Variants in TREH observed in about 807,000 individuals in gnomAD.
TREH encodes the protein alpha,alpha-trehalose glucohydrolase.
A neutral mutation model predicts 80.5 loss-of-function variants in TREH; 69 were observed. That is an observed-to-expected ratio of 0.86 (90% CI 0.71 to 1.05). The LOEUF (loss-of-function observed/expected upper bound fraction) is 1.05, where lower values mean the gene tolerates loss of function less well. Among genes scored for constraint, TREH ranks in the 50% least tolerant of loss-of-function variants. The pLI is 0.00. For synonymous variants in TREH, 309 were observed against 293.5 expected, an observed-to-expected ratio of 1.05 and a Z score of -0.54; for missense variants, 716 against 718.8, an observed-to-expected ratio of 1.00 and a Z score of 0.04.
At chr11:118,678,320 C>G (rs1299745600) in intron 1 of TREH, among the ~76,000 whole-genome samples, 1 of 152,078 alleles carries the variant, frequency 6.6e-6, no homozygotes, top group Admixed American at 6.6e-5. Context: ...CCTAACTTCT[C>G]TCTACTTCAA....
Position 118,673,935 on chromosome 11 carries a change from G to A in TREH, c.89+5604C>T, listed in dbSNP as rs372708410. On this transcript the variant is annotated intron_variant, in intron 1 of 14. Coordinates refer to ENST00000264029, the MANE Select transcript of TREH (RefSeq NM_007180.3). ...GTTGGTCAATCGAGAGCTGTCAATA[G>A]GGCACTGTCCAATTGGCAATAGAAT... 2.4e-4 allele frequency among the ~76,000 whole-genome samples: 36 copies of A among 152,280 alleles called. No homozygotes were observed. The East Asian group carries it at 5.0e-3, about 21-fold the overall frequency.
rs1949462828 is a variant in TREH, at chr11:118,674,942, CA to C, written c.89+4596del. ...GACTGGAGGTTGTAATTCCACTGACCAGAATCTAAGCATGGCCCATCTTTTA... is the reference window on the plus strand; with the variant it reads ...GACTGGAGGTTGTAATTCCACTGACCGAATCTAAGCATGGCCCATCTTTTA... On this transcript the variant is annotated intron_variant, in intron 1 of 14. Transcript: ENST00000264029. This position sits in a 1 kb window ranked among gnomAD's most constrained non-coding sequence, Gnocchi z 4.4. Among the ~76,000 whole-genome samples the C allele has an allele frequency of 6.6e-6, 1 of 152,146 alleles. No homozygotes were observed. The highest frequency in any genetic ancestry group is 2.1e-4 in the South Asian group (1 of 4,826).
intron 1 of TREH, among the ~76,000 whole-genome samples, chr11:118,668,500 G>T (rs1949399875): frequency 8.2e-6 from 1 of 121,684 alleles, no homozygotes; most frequent in Non-Finnish European, 1.6e-5. Flanking sequence ...GCAGGCAGAG[G>T]TTGCAGAGCC....
At chr11:118,668,800 C>T (rs1490740260) in intron 1 of TREH, among the ~76,000 whole-genome samples, 3 of 151,706 alleles carry the variant, frequency 2.0e-5, no homozygotes, top group African/African-American at 7.3e-5. Context: ...ATTAGCCAGG[C>T]GTGGTGGTGC....
At chr11:118,669,458 T>A (rs1949411141) in intron 1 of TREH, among the ~76,000 whole-genome samples, 2 of 152,214 alleles carry the variant, frequency 1.3e-5, no homozygotes, top group Non-Finnish European at 2.9e-5. Flanking sequence ...GTCCATCGAC[T>A]GATGAATGGA....
rs543102970 is a variant in TREH at position 118,659,108 on chromosome 11, A to G, written c.1433-91T>C. The G allele has an allele frequency of 4.4e-5, 59 of 1,351,868 alleles. 1 individual carries two copies. In the South Asian group the frequency reaches 7.2e-4, roughly 17 times the overall value. The allele number at this position is 1,351,868 out of a possible 1,614,324, so 83.7% of individuals were successfully genotyped here. ...CCCTACTCTCCCCAAGGAGGGAAAG[A>G]GGCCTGGGCCCTAAGACTTCCTTCC... On this transcript the variant is annotated intron_variant, in intron 12 of 14. Coordinates refer to ENST00000264029, the MANE Select transcript of TREH (RefSeq NM_007180.3).
chr11:118,668,606 T>C (rs1307718618), intron 1 of TREH, among the ~76,000 whole-genome samples: 1 of 148,790 alleles, frequency 6.7e-6, no homozygotes, highest in Non-Finnish European at 1.5e-5. Flanking sequence ...CCATGTTCAT[T>C]ATTTATGGAT....
At position 118,661,001 on chromosome 11, in the gene TREH, A is replaced by G; in HGVS notation, c.858-86T>C. On this transcript the variant is annotated intron_variant, in intron 8 of 14. Transcript: ENST00000264029. The surrounding 1 kb of genome is among the most constrained non-coding windows in gnomAD (Gnocchi z 4.2). Reference sequence around the variant, plus strand: ...AGAAGAGGCTGAGCCATCTTGATCCAGCTGCCCTTGGGCCCCACAGCCCAG... The same window carrying G: ...AGAAGAGGCTGAGCCATCTTGATCCGGCTGCCCTTGGGCCCCACAGCCCAG... 1 of 1,546,352 alleles carries G rather than the reference A, an allele frequency of 6.5e-7. No homozygotes were observed. Among genetic ancestry groups the G allele is most frequent in the Non-Finnish European group, 8.8e-7 (1 of 1,140,512 alleles).
In TREH at chr11:118,661,273, A is replaced by C. The variant is rs1555144910; in HGVS notation, c.744T>G (p.Ile248Met). 6.2e-7 allele frequency: 1 copy of C among 1,613,874 alleles called. No homozygotes were observed. Among genetic ancestry groups the C allele is most frequent in the South Asian group, 1.1e-5 (1 of 91,070 alleles). ...AGTCCAATTCCAAGGCTAGTGTTTC[A>C]ATGTTTTCCCTGGAGTGAAGCAGAC... ...TNDTAFLQENIETLALELDFW... is the reference protein window; with the variant it reads ...TNDTAFLQENMETLALELDFW... The change falls in exon 8 of 15, where the codon ATT (isoleucine) becomes ATG (methionine). Residue 248 changes from isoleucine (I) to methionine (M), a missense_variant. Physicochemically the swap from Ile to Met is conservative, Grantham distance 10. Transcript: ENST00000264029. The surrounding 1 kb of genome is among the most constrained non-coding windows in gnomAD (Gnocchi z 4.2).
intron 1 of TREH, among the ~76,000 whole-genome samples, chr11:118,672,566 C>G (rs1423751637): frequency 6.6e-6 from 1 of 151,598 alleles, no homozygotes; most frequent in Non-Finnish European, 1.5e-5. Context: ...GAAAAATTAG[C>G]TGGGCGTGGT....
At chr11:118,666,760 G>T (rs782006010) in intron 1 of TREH, among the ~76,000 whole-genome samples, 1 of 152,192 alleles carries the variant, frequency 6.6e-6, no homozygotes. Flanking sequence ...TAAAATGAGC[G>T]AAATACAGCA....
rs782544797 is a variant in TREH at position 118,659,734 on chromosome 11, G to C, written c.1320+13C>G. On this transcript the variant is annotated intron_variant, in intron 11 of 14. Transcript: ENST00000264029. ...TGCCTGCAGTGGACCCGAGCCACCT[G>C]CTGTGCCCTCACCTCCAGGTATTTC... The C allele has an allele frequency of 6.4e-7, 1 of 1,562,628 alleles. No homozygotes were observed. Among genetic ancestry groups the C allele is most frequent in the Non-Finnish European group, 8.7e-7 (1 of 1,152,928 alleles).
intron 4 of TREH, among the ~76,000 whole-genome samples, chr11:118,662,226 AG>A (rs2137265614): frequency 7.0e-6 from 1 of 143,436 alleles, no homozygotes; most frequent in South Asian, 2.5e-4. Context: ...GCCGGGTAGA[AG>A]ACCCGACCAC....
chr11:118,660,132 A>G (rs45529131), intron 10 of TREH, among the ~76,000 whole-genome samples, 168 bp from the exon 11 acceptor site: 2,879 of 152,240 alleles, frequency 0.019, 52 homozygotes, highest in Middle Eastern at 0.082. Context: ...TTTCTGGCCT[A>G]TGGCCCCGCA....
At chr11:118,664,794 G>T (rs1357262744) in intron 1 of TREH, among the ~76,000 whole-genome samples, 4 of 152,116 alleles carry the variant, frequency 2.6e-5, no homozygotes, top group African/African-American at 9.7e-5. Flanking sequence ...AGCATGAAGG[G>T]GTGGCTTACA....
chr11:118,669,369 A>G (rs1949410269), intron 1 of TREH, among the ~76,000 whole-genome samples: 2 of 152,258 alleles, frequency 1.3e-5, no homozygotes, highest in South Asian at 4.1e-4. Flanking sequence ...AAAAGAATCA[A>G]TGTATTGAAG....
At position 118,661,237 on chromosome 11, in the gene TREH, C is replaced by G; in HGVS notation, c.780G>C (p.Lys260Asn). The change falls in exon 8 of 15, where the codon AAG becomes AAC. Residue 260 changes from lysine to asparagine, a missense_variant. Lys to Asn is a moderately conservative substitution (Grantham distance 94). Coordinates refer to ENST00000264029, the MANE Select transcript of TREH (RefSeq NM_007180.3). The surrounding 1 kb of genome is among the most constrained non-coding windows in gnomAD (Gnocchi z 4.2). ...CCAAGCTCACAGAGACAGTCCTGTT[C>G]TTGGTCCAAAAGTCCAATTCCAAGG... ...TLALELDFWT[K>N]NRTVSVSLEG... 2 of 1,613,998 alleles carry G rather than the reference C, an allele frequency of 1.2e-6. No individual in the cohort carries two copies. The highest frequency in any genetic ancestry group is 1.7e-6 in the Non-Finnish European group (2 of 1,179,890).
At chr11:118,664,831 G>T (rs978619623) in intron 1 of TREH, among the ~76,000 whole-genome samples, 1 of 152,170 alleles carries the variant, frequency 6.6e-6, no homozygotes, top group African/African-American at 2.4e-5. Flanking sequence ...TGCTCTGGCC[G>T]GGCACAGTGG....
At position 118,657,949 on chromosome 11, in the gene TREH, T is replaced by G; in HGVS notation, c.*340A>C. On this transcript the variant is annotated 3_prime_UTR_variant, in exon 15 of 15. Transcript: ENST00000264029. ...TGCTCTCCTTCCCAGCATTGAGCCC[T>G]TGGTTGCCTGGGCCCAGGCTGGGGG... 1.6e-5 allele frequency: 4 copies of G among 254,722 alleles called. No homozygotes were observed. The highest frequency in any genetic ancestry group is 2.2e-5 in the African/African-American group (1 of 45,922). The allele number at this position is 254,722 out of a possible 1,614,324, so 15.8% of individuals were successfully genotyped here.
Sources: allele counts gnomAD v4.1 joint callset (sites outside exome capture counted in the v4.1 genomes callset), GRCh38; gene constraint gnomAD v4.1.1; non-coding constraint Gnocchi (gnomAD v3.1); transcripts MANE v1.5; gene names NCBI Gene and HGNC (gene_info 2026-07-23, HGNC 2026-07-21).